INVS: variants seen among roughly 807,000 people sequenced by gnomAD.
The protein encoded by INVS is inversin.
INVS carries 86 observed loss-of-function variants against 108.8 expected under a neutral mutation model. That is an observed-to-expected ratio of 0.79 (90% CI 0.66 to 0.95). The LOEUF (loss-of-function observed/expected upper bound fraction) is 0.95. INVS is among the 40% of genes least tolerant of loss of function. The pLI is 0.00. For missense variants in INVS, 1,169 were observed against 1,297.4 expected (o/e 0.90, Z 1.52); for synonymous variants, 455 against 473.5 (o/e 0.96, Z 0.51).
At chr9:100,194,983 C>T (rs1270569152) in intron 3 of INVS, among the ~76,000 whole-genome samples, 3 of 152,160 alleles carry the variant, frequency 2.0e-5, no homozygotes, top group Non-Finnish European at 4.4e-5. Flanking sequence ...CTCCTATAGA[C>T]CTCCGACATC....
chr9:100,148,084 CA>C (rs1190585351), intron 3 of INVS, among the ~76,000 whole-genome samples: 5 of 151,106 alleles, frequency 3.3e-5, no homozygotes, highest in Non-Finnish European at 5.9e-5. Context: ...CCCAGCTTCT[CA>C]GGAGGTTAAG....
chr9:100,300,223 AG>A (rs1195016480), intron 16 of INVS, among the ~76,000 whole-genome samples: 6 of 152,230 alleles, frequency 3.9e-5, no homozygotes, highest in Non-Finnish European at 7.3e-5. Context: ...AAAGTGTAAT[AG>A]GAGAGTTAAA....
intron 13 of INVS, among the ~76,000 whole-genome samples, chr9:100,290,020 A>T (rs1833564335): frequency 6.6e-6 from 1 of 152,128 alleles, no homozygotes; most frequent in African/African-American, 2.4e-5. Context: ...CATCCCCACC[A>T]GCATTTGGTC....
chr9:100,279,331 G>C (rs1833208627), intron 12 of INVS, among the ~76,000 whole-genome samples: 1 of 152,090 alleles, frequency 6.6e-6, no homozygotes, highest in Non-Finnish European at 1.5e-5. Context: ...AAGTCTCAAG[G>C]CCAAGCTACC....
intron 12 of INVS, among the ~76,000 whole-genome samples, chr9:100,283,202 G>A (rs1402421752): frequency 6.6e-6 from 1 of 152,128 alleles, no homozygotes; most frequent in African/African-American, 2.4e-5. Flanking sequence ...TACTCGGGAG[G>A]CTGAGGTGGG....
intron 3 of INVS, among the ~76,000 whole-genome samples, chr9:100,195,242 A>G (rs1203525476): frequency 2.0e-5 from 3 of 152,198 alleles, no homozygotes; most frequent in African/African-American, 7.2e-5. Context: ...GTTCGCTGAG[A>G]ATTTAAACCA....
chr9:100,195,054 T>C (rs748606292), intron 3 of INVS, among the ~76,000 whole-genome samples: 4 of 152,206 alleles, frequency 2.6e-5, no homozygotes, highest in Non-Finnish European at 4.4e-5. Flanking sequence ...TCCTCTGCTA[T>C]TATTTGTAGT....
intron 3 of INVS, among the ~76,000 whole-genome samples, chr9:100,196,760 A>G (rs1445888511): frequency 2.0e-5 from 3 of 150,860 alleles, no homozygotes; most frequent in African/African-American, 4.9e-5. Flanking sequence ...TTTCTTAAAT[A>G]CATATAATTA....
chr9:100,170,318 A>G (rs1294329310), intron 3 of INVS, among the ~76,000 whole-genome samples: 1 of 151,430 alleles, frequency 6.6e-6, no homozygotes, highest in Non-Finnish European at 1.5e-5. Flanking sequence ...GCACTCTGGG[A>G]GACCAAGGCC....
chr9:100,264,787 C>A, intron 10 of INVS, 35 bp from the exon 11 acceptor site: 2 of 1,359,410 alleles, frequency 1.5e-6, no homozygotes, highest in Non-Finnish European at 2.1e-6. Flanking sequence ...AAAATACTTA[C>A]TCCAGATGTA....
chr9:100,289,004 T>G (rs1243214882), intron 13 of INVS, among the ~76,000 whole-genome samples: 3 of 152,228 alleles, frequency 2.0e-5, no homozygotes, highest in Admixed American at 2.0e-4. Context: ...ATAGTTTTAT[T>G]TTCTAACCCA....
intron 7 of INVS, among the ~76,000 whole-genome samples, chr9:100,244,474 A>AAT (rs938777248): frequency 2.0e-5 from 3 of 152,110 alleles, no homozygotes; most frequent in African/African-American, 4.8e-5. Flanking sequence ...CTCCAAATTT[A>AAT]ATATATATAT....
intron 11 of INVS, among the ~76,000 whole-genome samples, chr9:100,268,944 T>C (rs1832869548): frequency 6.6e-6 from 1 of 152,192 alleles, no homozygotes; most frequent in Admixed American, 6.5e-5. Context: ...ATTTGGGCCC[T>C]ATATTTTATA....
intron 3 of INVS, among the ~76,000 whole-genome samples, chr9:100,181,227 G>A (rs1404806987): frequency 2.0e-5 from 3 of 152,140 alleles, no homozygotes; most frequent in Non-Finnish European, 4.4e-5. Context: ...ACATGACAAG[G>A]ATGCCCTCTC....
At chr9:100,199,519 C>G (rs1830477857) in intron 3 of INVS, among the ~76,000 whole-genome samples, 1 of 152,104 alleles carries the variant, frequency 6.6e-6, no homozygotes, top group African/African-American at 2.4e-5. Flanking sequence ...TCAATTGGCT[C>G]TTTACCTATA....
At chr9:100,152,135 C>T (rs1393407363) in intron 3 of INVS, among the ~76,000 whole-genome samples, 1 of 152,120 alleles carries the variant, frequency 6.6e-6, no homozygotes, top group Non-Finnish European at 1.5e-5. Flanking sequence ...ACTGTTATAC[C>T]ACCTTTTACA....
At chr9:100,238,675 A>T (rs1243603639) in intron 5 of INVS, among the ~76,000 whole-genome samples, 1 of 152,092 alleles carries the variant, frequency 6.6e-6, no homozygotes, top group Non-Finnish European at 1.5e-5. Context: ...ATGACATCAG[A>T]TCTGTCTTCG....
At chr9:100,258,874 T>C (rs917360158) in intron 10 of INVS, among the ~76,000 whole-genome samples, 2 of 152,228 alleles carry the variant, frequency 1.3e-5, no homozygotes, top group Non-Finnish European at 2.9e-5. Context: ...AGGGACCCAC[T>C]TGAGGAGGTA....
chr9:100,257,570 G>A (rs1008203856), intron 10 of INVS, among the ~76,000 whole-genome samples: 2 of 152,140 alleles, frequency 1.3e-5, no homozygotes, highest in African/African-American at 4.8e-5. Context: ...CATGTTTACT[G>A]CTTCCTTCAG....
Sources: gnomAD v4.1 joint callset for allele counts (sites outside exome capture counted in the v4.1 genomes callset) on GRCh38, gnomAD v4.1.1 for gene constraint, MANE v1.5 for transcripts, NCBI Gene and HGNC (gene_info 2026-07-23, HGNC 2026-07-21) for gene names.